CHST9: variants seen among roughly 807,000 people sequenced by gnomAD.
CHST9 encodes the protein carbohydrate sulfotransferase 9.
In CHST9, 41 loss-of-function variants were observed where a neutral mutation model predicts 44.4. The ratio of observed to expected loss-of-function variants is 0.92; its 90% CI spans 0.72 to 1.20. The LOEUF (loss-of-function observed/expected upper bound fraction) is 1.20. Among genes scored for constraint, CHST9 ranks in the 50% most tolerant of loss-of-function variants. The probability of loss-of-function intolerance (pLI) is 0.00; values close to 1 mark genes in which losing one functional copy is unlikely to be tolerated. For missense variants in CHST9, 504 were observed against 516.5 expected, an observed-to-expected ratio of 0.98 and a Z score of 0.23; for synonymous variants, 171 against 178.4, an observed-to-expected ratio of 0.96 and a Z score of 0.33.
intron 2 of CHST9, among the ~76,000 whole-genome samples, chr18:27,111,313 T>C (rs1170524256): frequency 1.3e-5 from 2 of 152,240 alleles, no homozygotes; most frequent in Non-Finnish European, 2.9e-5. Flanking sequence ...TTCAGATAAT[T>C]AGTGCATACA....
intron 4 of CHST9, among the ~76,000 whole-genome samples, chr18:27,008,091 C>T (rs8097370): frequency 0.024 from 3,695 of 152,136 alleles, 161 homozygotes; most frequent in African/African-American, 0.085. Context: ...ATAGGAGGGA[C>T]GACTCACCAC....
chr18:27,018,405 A>G (rs1235454763), intron 4 of CHST9, among the ~76,000 whole-genome samples: 3 of 152,208 alleles, frequency 2.0e-5, no homozygotes, highest in Non-Finnish European at 4.4e-5. Context: ...TTTGCTAATT[A>G]TTTTCATACA....
At chr18:26,943,938 T>C (rs2056123336) in intron 5 of CHST9, among the ~76,000 whole-genome samples, 1 of 152,200 alleles carries the variant, frequency 6.6e-6, no homozygotes, top group African/African-American at 2.4e-5. Flanking sequence ...GACTTTTAGC[T>C]GATTGAACGA....
intron 5 of CHST9, among the ~76,000 whole-genome samples, chr18:26,921,396 A>C (rs1181467000): frequency 6.6e-6 from 1 of 152,192 alleles, no homozygotes. Flanking sequence ...AGTTTCCTCT[A>C]GTCTAACCAA....
intron 4 of CHST9, among the ~76,000 whole-genome samples, chr18:26,964,913 C>A (rs1281254393): frequency 6.6e-6 from 1 of 152,086 alleles, no homozygotes; most frequent in Non-Finnish European, 1.5e-5. Context: ...GGGAAAGGAG[C>A]GAAGATGGGA....
intron 2 of CHST9, among the ~76,000 whole-genome samples, chr18:27,119,788 A>T (rs2058359174): frequency 1.3e-5 from 2 of 151,284 alleles, no homozygotes; most frequent in African/African-American, 2.4e-5. Context: ...CTAGGTATTG[A>T]TGTTTTCTTA....
At chr18:27,146,270 T>C (rs749766528) in intron 1 of CHST9, among the ~76,000 whole-genome samples, 28 of 152,188 alleles carry the variant, frequency 1.8e-4, no homozygotes, top group Non-Finnish European at 3.4e-4. Context: ...AAACCCATAA[T>C]TGTTATTATG....
At chr18:26,995,259 T>TAA (rs56839431) in intron 4 of CHST9, among the ~76,000 whole-genome samples, 1,791 of 110,058 alleles carry the variant, frequency 0.016, 22 homozygotes, top group East Asian at 0.059. Flanking sequence ...CCATCTCTAC[T>TAA]AAAAAAAAAA....
intron 4 of CHST9, among the ~76,000 whole-genome samples, chr18:27,003,578 T>C (rs545435422): frequency 6.6e-6 from 1 of 152,260 alleles, no homozygotes; most frequent in South Asian, 2.1e-4. Flanking sequence ...AGTAGGGCAA[T>C]TGAAGGTCTT....
intron 2 of CHST9, among the ~76,000 whole-genome samples, chr18:27,120,065 C>T (rs1429456636): frequency 6.6e-6 from 1 of 152,174 alleles, no homozygotes; most frequent in African/African-American, 2.4e-5. Context: ...AAGGCCCCAT[C>T]AAGAGAAACA....
chr18:27,053,712 C>T (rs774959518), intron 2 of CHST9, among the ~76,000 whole-genome samples: 4 of 152,170 alleles, frequency 2.6e-5, no homozygotes, highest in Admixed American at 6.5e-5. Flanking sequence ...TCTGCTGTCA[C>T]TCCTCAAGCA....
At chr18:27,175,547 G>C (rs2058861634) in intron 1 of CHST9, among the ~76,000 whole-genome samples, 1 of 151,978 alleles carries the variant, frequency 6.6e-6, no homozygotes, top group Admixed American at 6.6e-5. Context: ...AATAGAACGA[G>C]GAGTATGATA....
intron 2 of CHST9, among the ~76,000 whole-genome samples, chr18:27,127,534 C>A (rs767194792): frequency 6.6e-6 from 1 of 151,726 alleles, no homozygotes; most frequent in Non-Finnish European, 1.5e-5. Flanking sequence ...GATGGTCATA[C>A]AGTGGAGATA....
chr18:27,006,147 T>A (rs1339242357), intron 4 of CHST9, among the ~76,000 whole-genome samples: 1 of 152,200 alleles, frequency 6.6e-6, no homozygotes, highest in Non-Finnish European at 1.5e-5. Flanking sequence ...ACGATCGGTA[T>A]GCCACTGGAA....
intron 4 of CHST9, among the ~76,000 whole-genome samples, chr18:26,971,583 G>A (rs1568115208): frequency 6.6e-6 from 1 of 152,210 alleles, no homozygotes; most frequent in African/African-American, 2.4e-5. Flanking sequence ...TAATCACTCA[G>A]GGAGCAAGCC....
At chr18:26,923,221 C>T (rs772093981) in intron 5 of CHST9, among the ~76,000 whole-genome samples, 1 of 152,156 alleles carries the variant, frequency 6.6e-6, no homozygotes, top group Non-Finnish European at 1.5e-5. Flanking sequence ...CAGCAAGATA[C>T]TATTGGAAGC....
chr18:27,117,628 G>A (rs949355435), intron 2 of CHST9, among the ~76,000 whole-genome samples: 3 of 152,028 alleles, frequency 2.0e-5, no homozygotes, highest in African/African-American at 4.8e-5. Flanking sequence ...ATGTCATATT[G>A]TTGGAATCAT....
At chr18:27,068,231 T>C (rs1379509773) in intron 2 of CHST9, among the ~76,000 whole-genome samples, 2 of 152,192 alleles carry the variant, frequency 1.3e-5, no homozygotes, top group East Asian at 3.8e-4. Context: ...ATAGGCACTT[T>C]TTTATTTTAA....
At chr18:27,139,298 T>C (rs1379803821) in intron 2 of CHST9, among the ~76,000 whole-genome samples, 1 of 152,152 alleles carries the variant, frequency 6.6e-6, no homozygotes, top group Admixed American at 6.5e-5. Context: ...CCAGCATTAC[T>C]TATAGAAAGT....
Sources: gnomAD v4.1 joint callset for allele counts (sites outside exome capture counted in the v4.1 genomes callset) on GRCh38, gnomAD v4.1.1 for gene constraint, MANE v1.5 for transcripts, NCBI Gene and HGNC (gene_info 2026-07-23, HGNC 2026-07-21) for gene names.